The following NEK6 variants were observed in gnomAD, a reference collection of about 807,000 sequenced individuals.
NEK6 encodes the protein NIMA related kinase 6, also known as serine/threonine-protein kinase Nek6.
A neutral mutation model predicts 43.5 loss-of-function variants in NEK6; 27 were observed. The observed-to-expected ratio is 0.62, with a 90% CI of 0.46 to 0.86. NEK6 has a LOEUF of 0.86. NEK6 is among the 40% of genes least tolerant of loss of function. The pLI is 0.00. For missense variants in NEK6, 318 were observed against 414.4 expected (o/e 0.77, Z 2.02); for synonymous variants, 167 against 164.1 (o/e 1.02, Z -0.14).
chr9:124,326,294 C>A lies in NEK6; in HGVS notation c.406-36C>A, dbSNP rs781357573. The stretch of plus-strand genomic sequence containing the variant: ...GCCACCCACCTCCAAGCCCGCTCAC[C>A]CGGGCCTATCCCTCTGCTTGTCTCC... On this transcript the variant is annotated intron_variant, in intron 5 of 9. Coordinates refer to ENST00000320246, the MANE Select transcript of NEK6 (RefSeq NM_014397.6). The surrounding 1 kb of genome is among the most constrained non-coding windows in gnomAD (Gnocchi z 4.5). 12 of 1,535,746 alleles carry A rather than the reference C, an allele frequency of 7.8e-6. No homozygotes were observed. In the Admixed American group the frequency reaches 2.0e-4, roughly 26 times the overall value.
In NEK6 at chr9:124,344,309, A is replaced by G. The variant is rs144309452; in HGVS notation, c.718-3400A>G. 2.2e-4 allele frequency among the ~76,000 whole-genome samples: 33 copies of G among 152,196 alleles called. 1 individual carries two copies. The highest frequency in any genetic ancestry group is 7.2e-4 in the African/African-American group (30 of 41,524). Reference sequence around the variant, plus strand: ...ACAAGTCCCAAAAATTCGGTGATGGATGTCTTTGGGGCCCACCATTGAGTC... The same window carrying G: ...ACAAGTCCCAAAAATTCGGTGATGGGTGTCTTTGGGGCCCACCATTGAGTC... On this transcript the variant is annotated intron_variant, in intron 8 of 9. Coordinates refer to ENST00000320246, the MANE Select transcript of NEK6 (RefSeq NM_014397.6).
chr9:124,316,525 C>T (rs138792476), intron 4 of NEK6, among the ~76,000 whole-genome samples: 13 of 152,334 alleles, frequency 8.5e-5, no homozygotes, highest in Non-Finnish European at 1.8e-4. Flanking sequence ...AACCACATTG[C>T]GTCTTTGCAG....
In NEK6 at chr9:124,280,696, C is replaced by T. The variant is rs181410547; in HGVS notation, c.-29-21240C>T. ...TCTGGCACCTCGCTCTGTGGCTAGG[C>T]ACGGGTTTATGAGGGGACCCTGCAG... On this transcript the variant is annotated intron_variant, in intron 1 of 9. Coordinates refer to ENST00000320246, the MANE Select transcript of NEK6 (RefSeq NM_014397.6). 1.3e-3 allele frequency among the ~76,000 whole-genome samples: 200 copies of T among 152,358 alleles called. 1 individual carries two copies. The highest frequency in any genetic ancestry group is 4.6e-3 in the African/African-American group (192 of 41,584).
intron 1 of NEK6, among the ~76,000 whole-genome samples, chr9:124,268,584 GCT>G (rs949344116): frequency 6.6e-6 from 1 of 152,112 alleles, no homozygotes; most frequent in Non-Finnish European, 1.5e-5. Context: ...TTTAGTCCTG[GCT>G]CTCTCTCTGC....
At chr9:124,281,778 C>T (rs534629747) in intron 1 of NEK6, among the ~76,000 whole-genome samples, 98 of 152,222 alleles carry the variant, frequency 6.4e-4, no homozygotes, top group Non-Finnish European at 1.1e-3. Context: ...GGATTACAGG[C>T]GTAAGCCACC....
At chr9:124,337,461 C>T (rs960523667) in intron 7 of NEK6, among the ~76,000 whole-genome samples, 1 of 152,248 alleles carries the variant, frequency 6.6e-6, no homozygotes, top group African/African-American at 2.4e-5. Flanking sequence ...CTGGTCACCA[C>T]TCCTATAGAG....
intron 1 of NEK6, among the ~76,000 whole-genome samples, chr9:124,271,524 G>A (rs151201379): frequency 1.7e-4 from 26 of 152,234 alleles, no homozygotes; most frequent in Non-Finnish European, 2.8e-4. Context: ...GTTAATCCTC[G>A]TGACAACTTT....
In NEK6 at chr9:124,327,342, C is replaced by T; in HGVS notation, c.519C>T (p.Ile173=). The T allele has an allele frequency of 6.2e-7, 1 of 1,613,844 alleles. No homozygotes were observed. Among genetic ancestry groups the T allele is most frequent in the Non-Finnish European group, 8.5e-7 (1 of 1,179,848 alleles). ...MHSRRVMHRD[I]KPANVFITAT... ...CTCCTTCTCCTCGCCCTGCAGACATCAAGCCTGCCAACGTGTTCATCACAG... is the reference window on the plus strand; with the variant it reads ...CTCCTTCTCCTCGCCCTGCAGACATTAAGCCTGCCAACGTGTTCATCACAG... The change falls in exon 7 of 10, where the codon ATC becomes ATT. Residue 173 remains isoleucine, a synonymous_variant. Coordinates refer to ENST00000320246, the MANE Select transcript of NEK6 (RefSeq NM_014397.6).
Position 124,312,510 on chromosome 9 carries a change from G to A in NEK6, c.92G>A (p.Arg31Lys). ...GAGGCCCTCTGTCCCCCGTTCCAGAGGCATCCCAACACGCTGTCTTTTCGC... is the reference window on the plus strand; with the variant it reads ...GAGGCCCTCTGTCCCCCGTTCCAGAAGCATCCCAACACGCTGTCTTTTCGC... ...LGPVHPPDPQ[R>K]HPNTLSFRCS... is the part of the protein sequence containing the mutation. Residue 31 changes from arginine (R) to lysine (K), a missense_variant and splice_region_variant, in exon 3 of 10, where the codon AGG becomes AAG. Physicochemically the swap from Arg to Lys is conservative, Grantham distance 26. This residue lies in a region of NEK6 where 239 missense variants were observed against 344.4 expected (regional missense o/e 0.69). Transcript: ENST00000320246. 1 of 1,613,486 alleles carries A rather than the reference G, an allele frequency of 6.2e-7. No homozygotes were observed. Among genetic ancestry groups the A allele is most frequent in the South Asian group, 1.1e-5 (1 of 90,966 alleles).
chr9:124,312,915 G>A (rs759503951), intron 3 of NEK6, among the ~76,000 whole-genome samples: 2 of 152,234 alleles, frequency 1.3e-5, no homozygotes, highest in Non-Finnish European at 2.9e-5. Context: ...CAACAGTCCC[G>A]TGGGTGGGGA....
At chr9:124,341,555 C>G (rs963409341) in intron 8 of NEK6, among the ~76,000 whole-genome samples, 1 of 152,092 alleles carries the variant, frequency 6.6e-6, no homozygotes, top group East Asian at 1.9e-4. Context: ...CACAGGGCAT[C>G]GGTTGCAGGA....
At chr9:124,347,924 A>T (rs774520748) in intron 9 of NEK6, 102 bp downstream of exon 9, 27 of 681,336 alleles carry the variant, frequency 4.0e-5, no homozygotes, top group Non-Finnish European at 6.2e-5. Flanking sequence ...GGTTAGGCTC[A>T]CTTTACACGG....
At chr9:124,287,132 G>A (rs1284845854) in intron 1 of NEK6, among the ~76,000 whole-genome samples, 1 of 152,184 alleles carries the variant, frequency 6.6e-6, no homozygotes, top group Non-Finnish European at 1.5e-5. Flanking sequence ...CGTACAGGGT[G>A]CAGCCCTCTT....
At chr9:124,329,627 A>T (rs867799917) in intron 7 of NEK6, among the ~76,000 whole-genome samples, 1 of 152,186 alleles carries the variant, frequency 6.6e-6, no homozygotes, top group African/African-American at 2.4e-5. Context: ...TCCAGGAGAG[A>T]TGCCCAATGA....
intron 7 of NEK6, among the ~76,000 whole-genome samples, chr9:124,328,745 A>G (rs923741525): frequency 2.6e-5 from 4 of 152,206 alleles, no homozygotes; most frequent in Admixed American, 6.5e-5. Context: ...CGTCACACAC[A>G]CTTAGGAGAA....
chr9:124,336,194 C>T lies in NEK6; in HGVS notation c.623-3377C>T, dbSNP rs558581710. ...CAGAGGTTGCAGTGAGCCAAGATCGCGCCACTGCACTTCAGCCTGGGCAAC... is the reference window on the plus strand; with the variant it reads ...CAGAGGTTGCAGTGAGCCAAGATCGTGCCACTGCACTTCAGCCTGGGCAAC... On this transcript the variant is annotated intron_variant, in intron 7 of 9. Transcript: ENST00000320246. Among the ~76,000 whole-genome samples the T allele has an allele frequency of 4.0e-5, 6 of 151,230 alleles. No homozygotes were observed. The East Asian group carries it at 5.9e-4, about 15-fold the overall frequency.
chr9:124,261,511 T>G, intron 1 of NEK6: 9 of 985,482 alleles, frequency 9.1e-6, no homozygotes, highest in Non-Finnish European at 1.1e-5. Flanking sequence ...GAGTCCGGTG[T>G]TCTGGCCCCC....
intron 1 of NEK6, among the ~76,000 whole-genome samples, chr9:124,277,603 G>A (rs942443748): frequency 5.3e-5 from 8 of 152,220 alleles, no homozygotes; most frequent in Non-Finnish European, 1.2e-4. Flanking sequence ...GCCGACTTGT[G>A]AGAATAAATG....
At chr9:124,329,557 C>T (rs1000564690) in intron 7 of NEK6, among the ~76,000 whole-genome samples, 1 of 152,246 alleles carries the variant, frequency 6.6e-6, no homozygotes, top group Non-Finnish European at 1.5e-5. Flanking sequence ...GACCAGGCCA[C>T]ATGATGGGTG....
Sources: gnomAD v4.1 joint callset for allele counts (sites outside exome capture counted in the v4.1 genomes callset) on GRCh38, gnomAD v4.1.1 for gene constraint, gnomAD v4.1.1 regional missense constraint, Gnocchi (gnomAD v3.1) non-coding constraint, MANE v1.5 for transcripts, NCBI Gene and HGNC (gene_info 2026-07-23, HGNC 2026-07-21) for gene names.